MYO1B: variants seen among roughly 807,000 people sequenced by gnomAD.
The protein encoded by MYO1B is myosin IB.
Under a neutral mutation model 159.7 loss-of-function variants are expected in MYO1B, and 72 were observed. The ratio of observed to expected loss-of-function variants is 0.45; its 90% CI spans 0.37 to 0.55. The LOEUF is 0.55. Ranked by LOEUF, MYO1B falls within the 20% of genes least tolerant of loss-of-function variation. The pLI is 0.00. For synonymous variants in MYO1B, 468 were observed against 473.8 expected, an observed-to-expected ratio of 0.99 and a Z score of 0.16; for missense variants, 1,062 against 1,364.8, an observed-to-expected ratio of 0.78 and a Z score of 3.50.
chr2:191,374,935 A>G (rs990725671), intron 13 of MYO1B, among the ~76,000 whole-genome samples: 20 of 152,358 alleles, frequency 1.3e-4, no homozygotes, highest in African/African-American at 4.8e-4. Context: ...TTAAGTTAAA[A>G]AGTAAGTTGA....
intron 13 of MYO1B, among the ~76,000 whole-genome samples, chr2:191,370,704 C>T (rs1466578770): frequency 6.6e-6 from 1 of 152,188 alleles, no homozygotes; most frequent in Non-Finnish European, 1.5e-5. Flanking sequence ...AGGTTGGTGC[C>T]ATAAAGAAAG....
intron 1 of MYO1B, among the ~76,000 whole-genome samples, chr2:191,252,619 A>G (rs888779857): frequency 1.3e-5 from 2 of 152,206 alleles, no homozygotes; most frequent in Non-Finnish European, 2.9e-5. Context: ...CTTAAAGGTC[A>G]CCACTGTAAC....
chr2:191,360,907 G>T (rs1171275476), intron 8 of MYO1B, among the ~76,000 whole-genome samples, 178 bp downstream of exon 8: 1 of 152,066 alleles, frequency 6.6e-6, no homozygotes, highest in Non-Finnish European at 1.5e-5. Flanking sequence ...TGCCTGAATT[G>T]TTTCTATGTT....
intron 1 of MYO1B, chr2:191,248,099 T>C: frequency 2.4e-6 from 2 of 844,326 alleles, no homozygotes; most frequent in Non-Finnish European, 1.4e-6. Flanking sequence ...GATTGTCTTC[T>C]ACCTCCCTTC....
intron 1 of MYO1B, among the ~76,000 whole-genome samples, chr2:191,264,278 A>G (rs560651848): frequency 6.6e-6 from 1 of 152,324 alleles, no homozygotes; most frequent in African/African-American, 2.4e-5. Context: ...CCTAATGTAA[A>G]TGTATAAATA....
rs754250680 is a variant in MYO1B at position 191,400,379 on chromosome 2, T to C, written c.2296-3T>C. 18 of 1,614,046 alleles carry C rather than the reference T, an allele frequency of 1.1e-5. No individual in the cohort carries two copies. Among genetic ancestry groups the C allele is most frequent in the Non-Finnish European group, 1.4e-5 (17 of 1,180,012 alleles). On this transcript the variant is annotated splice_polypyrimidine_tract_variant and splice_region_variant and intron_variant, in intron 21 of 30. Coordinates refer to ENST00000392318, the MANE Select transcript of MYO1B (RefSeq NM_001130158.3). ...CTCTCTTTTGGGTGATTCTGCCCTT[T>C]AGGCTCGAAAAATTCTGCGGGAACT...
chr2:191,355,298 C>A (rs1693201131), intron 7 of MYO1B, among the ~76,000 whole-genome samples: 1 of 152,236 alleles, frequency 6.6e-6, no homozygotes, highest in African/African-American at 2.4e-5. Context: ...AAATATCCAG[C>A]TGGCGCCCAC....
rs376647391 is a variant in MYO1B, at chr2:191,285,485, GCTC to G, written c.135+8458_135+8460del. ...GCGGGACGTCCTGGCCTCTGAATGA[GCTC>G]CTGACCCAAGGCCAGTGATTTAAGG... On this transcript the variant is annotated intron_variant, in intron 2 of 30. Coordinates refer to ENST00000392318, the MANE Select transcript of MYO1B (RefSeq NM_001130158.3). Among the ~76,000 whole-genome samples the G allele has an allele frequency of 1.1e-3, 161 of 152,266 alleles. 5 individuals are homozygous for G. The South Asian group carries it at 0.031, about 30-fold the overall frequency.
At chr2:191,263,369 G>A (rs2125697224) in intron 1 of MYO1B, 5 of 982,540 alleles carry the variant, frequency 5.1e-6, no homozygotes, top group Non-Finnish European at 6.0e-6. Flanking sequence ...AGTGGAAAAA[G>A]CAATGGAGAA....
chr2:191,337,169 T>C (rs1181315373), intron 4 of MYO1B, among the ~76,000 whole-genome samples: 1 of 152,198 alleles, frequency 6.6e-6, no homozygotes, highest in Non-Finnish European at 1.5e-5. Flanking sequence ...GGCATGAGAT[T>C]CCCATCCTTT....
intron 1 of MYO1B, among the ~76,000 whole-genome samples, chr2:191,273,809 A>G (rs55862924): frequency 0.38 from 57,380 of 151,788 alleles, 10,976 homozygotes; most frequent in Middle Eastern, 0.52. Context: ...AATTCTCCCT[A>G]GAGCCCCATG....
In MYO1B at chr2:191,286,885, C is replaced by G. The variant is rs560654060; in HGVS notation, c.136-9226C>G. 1.1e-4 allele frequency among the ~76,000 whole-genome samples: 16 copies of G among 152,228 alleles called. No homozygotes were observed. In the South Asian group the frequency reaches 3.3e-3, roughly 32 times the overall value. On this transcript the variant is annotated intron_variant, in intron 2 of 30. Transcript: ENST00000392318. ...GATCGGGGCTGCAGTGAGCCAGGAT[C>G]GCACCACTGCACTCCAACCTGGGTG... is the stretch of plus-strand genomic sequence containing the variant.
chr2:191,387,228 T>C lies in MYO1B; in HGVS notation c.1559T>C (p.Leu520Pro). 1 of 1,613,812 alleles carries C rather than the reference T, an allele frequency of 6.2e-7. No individual in the cohort carries two copies. The highest frequency in any genetic ancestry group is 8.5e-7 in the Non-Finnish European group (1 of 1,179,752). The change falls in exon 17 of 31, where the codon CTG becomes CCG. Residue 520 changes from leucine to proline, a missense_variant. Physicochemically the swap from Leu to Pro is moderately conservative, Grantham distance 98. Transcript: ENST00000392318. The part of the protein sequence containing the change: ...FRIQHYAGKV[L>P]YQVEGFVDKN... ...AGTTACATGTGCTGCTTATAGGTGC[T>C]GTACCAGGTGGAAGGATTCGTTGAC... is the stretch of plus-strand genomic sequence containing the variant.
At chr2:191,387,182 C>A in intron 16 of MYO1B, 42 bp from the exon 17 acceptor site, 1 of 1,557,716 alleles carries the variant, frequency 6.4e-7, no homozygotes, top group Non-Finnish European at 8.8e-7. Flanking sequence ...GACATTATAG[C>A]ATGCAATGTG....
rs149447695 is a variant in MYO1B at position 191,277,209 on chromosome 2, A to G, written c.135+179A>G. 1.8e-3 allele frequency among the ~76,000 whole-genome samples: 269 copies of G among 152,292 alleles called. 2 individuals carry two copies. The highest frequency in any genetic ancestry group is 5.8e-3 in the Admixed American group (89 of 15,296). ...ATTTAGCCCATGAGTAATGTGGGTT[A>G]GACAAGTCAGTCTGCTTTCTGTGAT... is the stretch of plus-strand genomic sequence containing the variant. On this transcript the variant is annotated intron_variant, in intron 2 of 30. Transcript: ENST00000392318.
chr2:191,425,133 A>T lies in MYO1B; in HGVS notation c.*1173A>T, dbSNP rs1698147037. The T allele has an allele frequency of 6.6e-6, 1 of 151,900 alleles. No individual in the cohort carries two copies. Among genetic ancestry groups the T allele is most frequent in the South Asian group, 2.1e-4 (1 of 4,822 alleles). 9.4% of individuals were successfully genotyped at this position (151,900 alleles called of 1,614,324 possible). A position where few individuals can be genotyped will look rare whatever the true frequency, so the allele number is the denominator to read the frequency against. The stretch of plus-strand genomic sequence containing the variant: ...ATGTATATACATTGGTATTATGTTA[A>T]ATAATAAAATTGTTCTAATTTGGTG... On this transcript the variant is annotated 3_prime_UTR_variant, in exon 31 of 31. Coordinates refer to ENST00000392318, the MANE Select transcript of MYO1B (RefSeq NM_001130158.3).
chr2:191,323,058 G>A (rs1348394443), intron 3 of MYO1B, among the ~76,000 whole-genome samples: 2 of 152,158 alleles, frequency 1.3e-5, no homozygotes, highest in African/African-American at 2.4e-5. Context: ...CCCTTTTTAG[G>A]CCATGTAGGG....
chr2:191,315,198 T>C (rs1214437722), intron 3 of MYO1B, among the ~76,000 whole-genome samples: 1 of 151,720 alleles, frequency 6.6e-6, no homozygotes, highest in African/African-American at 2.4e-5. Flanking sequence ...CATCCACCCA[T>C]CCATCTTCCC....
rs980216812 is a variant in MYO1B at position 191,260,022 on chromosome 2, G to A, written c.-10+14396G>A. On this transcript the variant is annotated intron_variant, in intron 1 of 30. Coordinates refer to ENST00000392318, the MANE Select transcript of MYO1B (RefSeq NM_001130158.3). ...TAGGATTGCTTAGAGGGTAGAGTGA[G>A]AAGAGGAAGGCGGAGGATAGAACTC... 1.3e-5 allele frequency among the ~76,000 whole-genome samples: 2 copies of A among 152,082 alleles called. 1 individual carries two copies. The highest frequency in any genetic ancestry group is 3.9e-4 in the East Asian group (2 of 5,188).
Sources: allele counts gnomAD v4.1 joint callset (sites outside exome capture counted in the v4.1 genomes callset), GRCh38; gene constraint gnomAD v4.1.1; transcripts MANE v1.5; gene names NCBI Gene and HGNC (gene_info 2026-07-23, HGNC 2026-07-21).